Variants in SASH1 observed in about 807,000 individuals in gnomAD.
The protein encoded by SASH1 is SAM and SH3 domain-containing protein 1.
Under a neutral mutation model 125.2 loss-of-function variants are expected in SASH1, and 44 were observed. The observed-to-expected ratio is 0.35, with a 90% CI of 0.28 to 0.45. The LOEUF (loss-of-function observed/expected upper bound fraction) is 0.45, where lower values mean the gene tolerates loss of function less well. SASH1 is among the 20% of genes least tolerant of loss of function. SASH1 has a pLI of 1.00. For missense variants in SASH1, 1,426 were observed against 1,614.5 expected (o/e 0.88, Z 2.00); for synonymous variants, 639 against 649.1 (o/e 0.98, Z 0.24).
Position 148,342,959 on chromosome 6 carries a change from G to T in SASH1, c.-109G>T. 2.1e-6 allele frequency: 2 copies of T among 949,944 alleles called. No homozygotes were observed. The highest frequency in any genetic ancestry group is 2.5e-6 in the Non-Finnish European group (2 of 796,424). 58.8% of individuals were successfully genotyped at this position (949,944 alleles called of 1,614,324 possible). A position where few individuals can be genotyped will look rare whatever the true frequency, so the allele number is the denominator to read the frequency against. The stretch of plus-strand genomic sequence containing the variant: ...CCGGGGCATGCAGCGCGGGGGCGCG[G>T]CTCGGTGACGCCGCGGGCGGGGACC... On this transcript the variant is annotated 5_prime_UTR_variant, in exon 1 of 20. Coordinates refer to ENST00000367467, the MANE Select transcript of SASH1 (RefSeq NM_015278.5).
chr6:148,194,426 G>T, the SASH1 span, among the ~76,000 whole-genome samples: 1 of 152,168 alleles, frequency 6.6e-6, no homozygotes, highest in South Asian at 2.1e-4. Context: ...ATTGGAAATA[G>T]AAAATTCTGT....
rs150486906 is a variant in SASH1 at position 148,521,010 on chromosome 6, T to C, written c.1209+1117T>C. Among the ~76,000 whole-genome samples, 425 of 152,358 alleles carry C rather than the reference T, an allele frequency of 2.8e-3. 1 individual carries two copies. The highest frequency in any genetic ancestry group is 9.6e-3 in the African/African-American group (398 of 41,576). On this transcript the variant is annotated intron_variant, in intron 10 of 19. Transcript: ENST00000367467. ...CATTTGGAAATGCCTTCCCCTAGCC[T>C]ATAGATTCTTCTGTACTCAGCAAGG...
chr6:148,442,450 A>C (rs1776583906), intron 4 of SASH1, among the ~76,000 whole-genome samples: 1 of 152,128 alleles, frequency 6.6e-6, no homozygotes, highest in African/African-American at 2.4e-5. Context: ...AGGATTGAGA[A>C]TTGTGCAGTG....
intron 1 of SASH1, among the ~76,000 whole-genome samples, chr6:148,318,798 G>T (rs4631317): frequency 0.23 from 34,739 of 151,746 alleles, 4,147 homozygotes; most frequent in East Asian, 0.33. Flanking sequence ...TGATCCGCCC[G>T]CCTCAGCCTC....
chr6:148,539,540 C>T (rs147164671), intron 16 of SASH1, among the ~76,000 whole-genome samples: 13 of 152,232 alleles, frequency 8.5e-5, no homozygotes, highest in Non-Finnish European at 1.8e-4. Flanking sequence ...TATTTCTTTC[C>T]TTTTCATGGC....
the SASH1 span, among the ~76,000 whole-genome samples, chr6:148,199,375 G>GAAA: frequency 6.5e-5 from 8 of 123,608 alleles, no homozygotes; most frequent in Non-Finnish European, 6.9e-5. Context: ...TCCGTCTCAA[G>GAAA]AAAAAAAAAA....
At chr6:148,394,022 A>G (rs1437158989) in intron 2 of SASH1, among the ~76,000 whole-genome samples, 1 of 150,464 alleles carries the variant, frequency 6.6e-6, no homozygotes, top group Non-Finnish European at 1.5e-5. Context: ...CCTCCCAAGT[A>G]GCTGGGATTA....
chr6:148,535,031 A>T lies in SASH1; in HGVS notation c.2095+130A>T, dbSNP rs934775386. ...CTGTTCTTTCTGTTACAAGAGTATG[A>T]CAGTAAGTCCCTGTACGCACAGAGG... On this transcript the variant is annotated intron_variant, in intron 16 of 19. Transcript: ENST00000367467. 66 of 1,100,512 alleles carry T rather than the reference A, an allele frequency of 6.0e-5. No individual in the cohort carries two copies. The Admixed American group carries it at 1.3e-3, about 22-fold the overall frequency. 68.2% of individuals were successfully genotyped at this position (1,100,512 alleles called of 1,614,324 possible).
chr6:148,381,420 T>TC (rs969034203), intron 1 of SASH1, among the ~76,000 whole-genome samples: 3 of 151,956 alleles, frequency 2.0e-5, no homozygotes, highest in Non-Finnish European at 4.4e-5. Context: ...AGATGACATT[T>TC]CCCCAAGGGA....
At chr6:148,400,749 T>TG (rs1185830428) in intron 2 of SASH1, among the ~76,000 whole-genome samples, 7 of 152,048 alleles carry the variant, frequency 4.6e-5, no homozygotes, top group Non-Finnish European at 1.0e-4. Flanking sequence ...AGACTTTGTC[T>TG]GGGGGAAAAA....
At chr6:148,330,378 G>A (rs1780957725) in intron 1 of SASH1, among the ~76,000 whole-genome samples, 1 of 151,948 alleles carries the variant, frequency 6.6e-6, no homozygotes, top group African/African-American at 2.4e-5. Flanking sequence ...AAAATTTATT[G>A]GAAAAAAATA....
At chr6:148,546,406 C>T (rs1345206958) in intron 19 of SASH1, among the ~76,000 whole-genome samples, 2 of 152,166 alleles carry the variant, frequency 1.3e-5, no homozygotes, top group Non-Finnish European at 2.9e-5. Context: ...TGATAGTGCA[C>T]ACCTGTAATC....
intron 8 of SASH1, chr6:148,512,344 AGTT>A (rs1355252047): frequency 5.4e-6 from 2 of 370,106 alleles, no homozygotes; most frequent in Non-Finnish European, 7.5e-6. Context: ...TCCCGTTGAT[AGTT>A]ATAGAGACTT....
At chr6:148,207,377 C>G in the SASH1 span, among the ~76,000 whole-genome samples, 45 of 152,090 alleles carry the variant, frequency 3.0e-4, no homozygotes, top group Admixed American at 1.6e-3. Flanking sequence ...CCACACTGAA[C>G]GGGGCAGCTC....
chr6:148,418,376 G>T (rs900345009), intron 2 of SASH1, among the ~76,000 whole-genome samples: 1 of 152,186 alleles, frequency 6.6e-6, no homozygotes, highest in Admixed American at 6.5e-5. Flanking sequence ...GACACATGTG[G>T]TAGAAGTTAT....
upstream of SASH1, among the ~76,000 whole-genome samples, chr6:148,339,591 C>G (rs1450218135): frequency 6.6e-6 from 1 of 151,908 alleles, no homozygotes; most frequent in Non-Finnish European, 1.5e-5. Flanking sequence ...GAGTCTCGCT[C>G]TGTCGTCCAG....
chr6:148,493,038 G>A (rs1341364994), intron 8 of SASH1, among the ~76,000 whole-genome samples: 1 of 152,222 alleles, frequency 6.6e-6, no homozygotes, highest in African/African-American at 2.4e-5. Context: ...CTCAGAGCAC[G>A]GTCTTCCAGA....
chr6:148,236,799 A>G, the SASH1 span, among the ~76,000 whole-genome samples: 1 of 152,206 alleles, frequency 6.6e-6, no homozygotes, highest in Non-Finnish European at 1.5e-5. Context: ...GTGCTCCCCA[A>G]AAAGCATGTG....
chr6:148,420,668 A>G (rs1466690167), intron 2 of SASH1, among the ~76,000 whole-genome samples: 1 of 152,164 alleles, frequency 6.6e-6, no homozygotes, highest in Non-Finnish European at 1.5e-5. Context: ...CCTTTCCCTT[A>G]TGAATTATTG....
Sources: allele counts gnomAD v4.1 joint callset (sites outside exome capture counted in the v4.1 genomes callset), GRCh38; gene constraint gnomAD v4.1.1; transcripts MANE v1.5; gene names NCBI Gene and HGNC (gene_info 2026-07-23, HGNC 2026-07-21).